Variants in DMD observed in about 807,000 individuals in gnomAD.
DMD encodes the protein mutant dystrophin.
In DMD, 63 loss-of-function variants were observed where a neutral mutation model predicts 330.1. The observed-to-expected ratio is 0.19, with a 90% CI of 0.16 to 0.24. The LOEUF is 0.24. Among genes scored for constraint, DMD ranks in the 10% least tolerant of loss-of-function variants. The pLI is 1.00. For synonymous variants in DMD, 1,223 were observed against 959.8 expected, an observed-to-expected ratio of 1.27 and a Z score of -5.07; for missense variants, 3,344 against 2,684.1, an observed-to-expected ratio of 1.25 and a Z score of -5.43.
intron 52 of DMD, among the ~76,000 whole-genome samples, chrX:31,728,874 G>A (rs756580867): frequency 3.6e-5 from 4 of 111,345 alleles, no homozygotes; most frequent in Non-Finnish European, 5.7e-5. Flanking sequence ...TGAAGAAACC[G>A]AGAGAGATCT....
chrX:31,984,761 G>A (rs183318820), intron 44 of DMD, among the ~76,000 whole-genome samples: 1 of 112,170 alleles, frequency 8.9e-6, no homozygotes, highest in African/African-American at 3.2e-5. Context: ...TTTTAAACTA[G>A]TATGTTTCAA....
chrX:31,419,627 C>T (rs1453742286), intron 60 of DMD, among the ~76,000 whole-genome samples: 1 of 111,989 alleles, frequency 8.9e-6, no homozygotes, highest in Non-Finnish European at 1.9e-5. Context: ...GGGCAGGGAC[C>T]TTCTTCCTCT....
At chrX:31,655,863 T>A (rs2080753702) in intron 54 of DMD, among the ~76,000 whole-genome samples, 1 of 111,767 alleles carries the variant, frequency 8.9e-6, no homozygotes, top group African/African-American at 3.3e-5. Context: ...GGTATTTTGT[T>A]ACGGAAGCAC....
At chrX:32,289,364 A>G (rs2097456818) in intron 42 of DMD, among the ~76,000 whole-genome samples, 1 of 110,564 alleles carries the variant, frequency 9.0e-6, no homozygotes, top group Admixed American at 9.6e-5. Context: ...TCCTAAGGGT[A>G]ACTCTACTAC....
intron 7 of DMD, among the ~76,000 whole-genome samples, chrX:32,733,617 A>T (rs1446551186): frequency 9.0e-6 from 1 of 111,472 alleles, no homozygotes; most frequent in African/African-American, 3.3e-5. Flanking sequence ...TCTCACTCAA[A>T]ACCGCTCAAC....
intron 26 of DMD, among the ~76,000 whole-genome samples, chrX:32,452,305 G>A (rs1165445072): frequency 1.4e-4 from 2 of 14,155 alleles, no homozygotes; most frequent in Non-Finnish European, 2.1e-4. Flanking sequence ...AAAGGAAAGG[G>A]AAAGTGAAAG....
At chrX:31,419,901 G>A (rs1376178169) in intron 60 of DMD, among the ~76,000 whole-genome samples, 2 of 111,807 alleles carry the variant, frequency 1.8e-5, no homozygotes, top group Non-Finnish European at 3.8e-5. Flanking sequence ...TGATACGAGA[G>A]CGGGATGTAT....
intron 2 of DMD, among the ~76,000 whole-genome samples, chrX:32,950,184 T>C (rs2091159634): frequency 1.8e-5 from 2 of 110,972 alleles, no homozygotes; most frequent in South Asian, 7.7e-4. Context: ...GTAGTAGTAG[T>C]AGTAGCAGCA....
chrX:31,970,930 G>T (rs959208583), intron 44 of DMD, among the ~76,000 whole-genome samples: 4 of 111,528 alleles, frequency 3.6e-5, no homozygotes, highest in Non-Finnish European at 7.5e-5. Flanking sequence ...GCTCTTATTT[G>T]TTCCTTCAAG....
At chrX:32,852,700 C>T (rs776874143) in intron 2 of DMD, among the ~76,000 whole-genome samples, 1 of 109,633 alleles carries the variant, frequency 9.1e-6, no homozygotes, top group African/African-American at 3.3e-5. Flanking sequence ...AGCGTTTACT[C>T]CTAGTTAACT....
rs1266056678 is a variant in DMD at position 31,917,690 on chromosome X, A to G, written c.6912+11906T>C. 4.4e-5 allele frequency among the ~76,000 whole-genome samples: 5 copies of G among 112,516 alleles called. No individual in the cohort carries two copies. The Admixed American group carries it at 4.7e-4, about 11-fold the overall frequency. ...TTTATGATTATTGAATACTATATGA[A>G]TTTTTATTTCACAGTAATTTATATT... On this transcript the variant is annotated intron_variant, in intron 47 of 78. Coordinates refer to ENST00000357033, the MANE Select transcript of DMD (RefSeq NM_004006.3).
chrX:32,730,856 G>C (rs929978826), intron 7 of DMD, among the ~76,000 whole-genome samples: 4 of 111,869 alleles, frequency 3.6e-5, no homozygotes, highest in Admixed American at 1.9e-4. Flanking sequence ...CCTACCAGTG[G>C]GAAAATTAAA....
At chrX:31,231,797 C>T (rs1296501705) in intron 63 of DMD, among the ~76,000 whole-genome samples, 4 of 111,899 alleles carry the variant, frequency 3.6e-5, no homozygotes, top group East Asian at 5.6e-4. Context: ...GCAGGAGAAT[C>T]GCTTGAACCT....
Position 31,222,033 on chromosome X carries a change from T to A in DMD, c.9361+1014A>T, listed in dbSNP as rs760553163. Among the ~76,000 whole-genome samples, 34 of 109,507 alleles carry A rather than the reference T, an allele frequency of 3.1e-4. No individual in the cohort carries two copies. The Middle Eastern group carries it at 0.019, about 60-fold the overall frequency. ...CGGTGAAACCCCGCCTCTACTAAAATTACAAAAACAAAATTAGCCAGGCGT... is the reference window on the plus strand; with the variant it reads ...CGGTGAAACCCCGCCTCTACTAAAAATACAAAAACAAAATTAGCCAGGCGT... On this transcript the variant is annotated intron_variant, in intron 64 of 78. Transcript: ENST00000357033.
At chrX:32,690,582 GA>G (rs1349010620) in intron 9 of DMD, among the ~76,000 whole-genome samples, 1 of 111,301 alleles carries the variant, frequency 9.0e-6, no homozygotes, top group Non-Finnish European at 1.9e-5. Context: ...CACACTTCCT[GA>G]TTTCAAAATA....
intron 44 of DMD, among the ~76,000 whole-genome samples, chrX:32,155,973 AACACACACAC>A (rs60347530): frequency 0.31 from 29,634 of 95,285 alleles, 3,763 homozygotes; most frequent in Non-Finnish European, 0.38. Context: ...TTTGTCATTC[AACACACACAC>A]ACACACACAC....
At chrX:31,609,084 T>C (rs1015101251) in intron 55 of DMD, among the ~76,000 whole-genome samples, 3 of 112,324 alleles carry the variant, frequency 2.7e-5, no homozygotes, top group African/African-American at 6.5e-5. Flanking sequence ...TGTATTTTTA[T>C]TGTTATCAGT....
chrX:31,614,523 C>T (rs755119482), intron 55 of DMD, among the ~76,000 whole-genome samples: 1 of 111,895 alleles, frequency 8.9e-6, no homozygotes, highest in Non-Finnish European at 1.9e-5. Flanking sequence ...TCAAGGACAA[C>T]CACAGACTCA....
At chrX:32,005,634 G>A (rs2095656355) in intron 44 of DMD, among the ~76,000 whole-genome samples, 1 of 110,872 alleles carries the variant, frequency 9.0e-6, no homozygotes, top group Admixed American at 9.7e-5. Context: ...AGATGGGGGA[G>A]ATTGGTGAAA....
Sources: gnomAD v4.1 joint callset for allele counts (sites outside exome capture counted in the v4.1 genomes callset) on GRCh38, gnomAD v4.1.1 for gene constraint, MANE v1.5 for transcripts, NCBI Gene and HGNC (gene_info 2026-07-23, HGNC 2026-07-21) for gene names.